Variants in NOS1 observed in about 807,000 individuals in gnomAD.
The protein encoded by NOS1 is NOS type I.
NOS1 carries 51 observed loss-of-function variants against 164.5 expected under a neutral mutation model. The observed-to-expected ratio is 0.31, with a 90% CI of 0.25 to 0.39. The LOEUF (loss-of-function observed/expected upper bound fraction) is 0.39, where lower values mean the gene tolerates loss of function less well. Ranked by LOEUF, NOS1 falls within the 10% of genes least tolerant of loss-of-function variation. The pLI is 1.00. For missense variants in NOS1, 1,362 were observed against 1,885.6 expected (o/e 0.72, Z 5.14); for synonymous variants, 719 against 745.8 (o/e 0.96, Z 0.59).
chr12:117,341,607 C>T (rs1396208089), intron 1 of NOS1, among the ~76,000 whole-genome samples: 1 of 152,172 alleles, frequency 6.6e-6, no homozygotes. Context: ...TCCATGGACG[C>T]TTCAGTGGCA....
chr12:117,291,674 C>T (rs1873074202), intron 3 of NOS1, among the ~76,000 whole-genome samples: 1 of 151,788 alleles, frequency 6.6e-6, no homozygotes, highest in Non-Finnish European at 1.5e-5. Context: ...GCTGGGACTA[C>T]AGGTGCGTGT....
At chr12:117,261,635 C>T (rs939474) in intron 13 of NOS1, among the ~76,000 whole-genome samples, 86,705 of 151,938 alleles carry the variant, frequency 0.57, 28,176 homozygotes, top group African/African-American at 0.89. Flanking sequence ...TGATACCCAA[C>T]AGGCACTAAA....
chr12:117,305,899 C>A (rs145753124), intron 3 of NOS1, among the ~76,000 whole-genome samples: 2,849 of 151,346 alleles, frequency 0.019, 101 homozygotes, highest in African/African-American at 0.066. Flanking sequence ...TCAAGCAATT[C>A]TTGTGCCTCA....
chr12:117,311,072 G>C (rs992069383), intron 3 of NOS1, among the ~76,000 whole-genome samples: 2 of 152,134 alleles, frequency 1.3e-5, no homozygotes, highest in Admixed American at 1.3e-4. Context: ...CACCATGTTG[G>C]TCAGGCTGGT....
chr12:117,268,207 G>T, intron 10 of NOS1, 63 bp from the exon 11 acceptor site: 1 of 1,090,080 alleles, frequency 9.2e-7, no homozygotes, highest in Non-Finnish European at 1.4e-6. Context: ...GATTGAAGAG[G>T]GACAGGGCTA....
At position 117,234,651 on chromosome 12, in the gene NOS1, TTCACGAGG is replaced by T; in HGVS notation, c.3141_3148del (p.Asp1047GlufsTer34). The T allele has an allele frequency of 6.2e-7, 1 of 1,614,164 alleles. No individual in the cohort carries two copies. Among genetic ancestry groups the T allele is most frequent in the Non-Finnish European group, 8.5e-7 (1 of 1,180,020 alleles). On this transcript the variant is annotated frameshift_variant, in exon 21 of 29. Transcript: ENST00000317775. LOFTEE classifies it high-confidence loss of function. The surrounding 1 kb of genome is among the most constrained non-coding windows in gnomAD (Gnocchi z 4.3). ...GTCCTCCAGCCGCTCGATCAGGGCA[TTCACGAGG>T]TCCTCGTGGTTGCCAGGGAAGACAC...
chr12:117,311,953 A>G (rs1329194256), intron 2 of NOS1, among the ~76,000 whole-genome samples: 1 of 152,148 alleles, frequency 6.6e-6, no homozygotes. Context: ...GTAATACTCC[A>G]TGTACCATGA....
At position 117,331,344 on chromosome 12, in the gene NOS1, G is replaced by A. The variant is rs2136075461; in HGVS notation, c.-275C>T. The A allele has an allele frequency of 2.1e-6, 1 of 466,838 alleles. No homozygotes were observed. The allele number at this position is 466,838 out of a possible 1,614,324, so 28.9% of individuals were successfully genotyped here. On this transcript the variant is annotated 5_prime_UTR_variant, in exon 2 of 29. Coordinates refer to ENST00000317775, the MANE Select transcript of NOS1 (RefSeq NM_000620.5). ...CCAGGCAGACGTCAAGAGAGGCGGT[G>A]GGACGTGTCCCTAAGGTCAGGCAGA...
chr12:117,211,751 ACG>A lies in NOS1; in HGVS notation c.*3556_*3557del. ...CCCAGAAATTTATGTCAGTTCCAAG[ACG>A]GGTGTCTCTCTCCATCAGATTATAA... is the stretch of plus-strand genomic sequence containing the variant. On this transcript the variant is annotated 3_prime_UTR_variant, in exon 29 of 29. Transcript: ENST00000317775. 3 of 985,358 alleles carry A rather than the reference ACG, an allele frequency of 3.0e-6. No homozygotes were observed. Among genetic ancestry groups the A allele is most frequent in the Non-Finnish European group, 3.6e-6 (3 of 829,960 alleles). The allele number at this position is 985,358 out of a possible 1,614,324, so 61.0% of individuals were successfully genotyped here.
chr12:117,267,630 C>T (rs1424824339), intron 11 of NOS1, among the ~76,000 whole-genome samples: 1 of 151,730 alleles, frequency 6.6e-6, no homozygotes, highest in Non-Finnish European at 1.5e-5. Context: ...ATACATTTTC[C>T]AGCCATCCTG....
In NOS1 at chr12:117,211,196, G is replaced by A; in HGVS notation, c.*4113C>T. On this transcript the variant is annotated 3_prime_UTR_variant, in exon 29 of 29. Transcript: ENST00000317775. ...TGGTCTCCAACTCCTGACCTCAACT[G>A]ATACACCCACCTCGGCCTCCCAAAG... The A allele has an allele frequency of 2.1e-6, 2 of 947,036 alleles. No individual in the cohort carries two copies. Among genetic ancestry groups the A allele is most frequent in the Non-Finnish European group, 2.5e-6 (2 of 795,038 alleles). The allele number at this position is 947,036 out of a possible 1,614,324, so 58.7% of individuals were successfully genotyped here. A position where few individuals can be genotyped will look rare whatever the true frequency, so the allele number is the denominator to read the frequency against.
At chr12:117,229,619 C>T (rs746092699) in intron 22 of NOS1, among the ~76,000 whole-genome samples, 25 of 148,006 alleles carry the variant, frequency 1.7e-4, no homozygotes, top group East Asian at 7.8e-4. Flanking sequence ...GACAGATTCT[C>T]GCTCTGTCAC....
Position 117,211,338 on chromosome 12 carries a change from T to G in NOS1, c.*3971A>C. The stretch of plus-strand genomic sequence containing the variant: ...AGGTACGCTGATTCAGTTCCTGGAG[T>G]CTCTTTATCACTACATCCGCCTCTT... On this transcript the variant is annotated 3_prime_UTR_variant, in exon 29 of 29. Coordinates refer to ENST00000317775, the MANE Select transcript of NOS1 (RefSeq NM_000620.5). 1.0e-6 allele frequency: 1 copy of G among 985,258 alleles called. No individual in the cohort carries two copies. Among genetic ancestry groups the G allele is most frequent in the South Asian group, 4.7e-5 (1 of 21,268 alleles). 61.0% of individuals were successfully genotyped at this position (985,258 alleles called of 1,614,324 possible).
At chr12:117,354,599 C>CT (rs889946434) in intron 1 of NOS1, among the ~76,000 whole-genome samples, 6 of 151,584 alleles carry the variant, frequency 4.0e-5, no homozygotes, top group East Asian at 1.9e-4. Context: ...CCGGAGGTTA[C>CT]TTTTTTTTTA....
At chr12:117,334,957 T>C (rs1875735331) in intron 1 of NOS1, among the ~76,000 whole-genome samples, 1 of 152,196 alleles carries the variant, frequency 6.6e-6, no homozygotes, top group Non-Finnish European at 1.5e-5. Flanking sequence ...CCTTCCTGGC[T>C]CTATCCGGGT....
At chr12:117,227,250 G>A (rs1222024442) in intron 23 of NOS1, among the ~76,000 whole-genome samples, 181 bp downstream of exon 23, 1 of 152,168 alleles carries the variant, frequency 6.6e-6, no homozygotes, top group Non-Finnish European at 1.5e-5. Flanking sequence ...ATTCTGCTCA[G>A]GCTTGGCTCT....
rs762131947 is a variant in NOS1, at chr12:117,242,619, G to A, written c.3041+8C>T. On this transcript the variant is annotated splice_region_variant and intron_variant, in intron 20 of 28. Transcript: ENST00000317775. ...CGTAGGTAACCCAGTGAACCAAGATGTTCCTACCTGGATTTAGGGCTCTGG... is the reference window on the plus strand; with the variant it reads ...CGTAGGTAACCCAGTGAACCAAGATATTCCTACCTGGATTTAGGGCTCTGG... 15 of 1,613,034 alleles carry A rather than the reference G, an allele frequency of 9.3e-6. No individual in the cohort carries two copies. The Admixed American group carries it at 1.0e-4, about 11-fold the overall frequency.
chr12:117,348,083 T>C (rs1876439024), intron 1 of NOS1: 1 of 150,602 alleles, frequency 6.6e-6, no homozygotes, highest in South Asian at 2.1e-4. Context: ...TTGGTCTTTA[T>C]CTCGTGTTGC....
intron 3 of NOS1, among the ~76,000 whole-genome samples, chr12:117,291,785 C>T (rs769064249): frequency 6.6e-6 from 1 of 152,088 alleles, no homozygotes; most frequent in Non-Finnish European, 1.5e-5. Flanking sequence ...ATCCTCCTGC[C>T]TCAGCCTCCC....
Sources: allele counts gnomAD v4.1 joint callset (sites outside exome capture counted in the v4.1 genomes callset), GRCh38; gene constraint gnomAD v4.1.1; non-coding constraint Gnocchi (gnomAD v3.1); transcripts MANE v1.5; gene names NCBI Gene and HGNC (gene_info 2026-07-23, HGNC 2026-07-21).